DCC: variants seen among roughly 807,000 people sequenced by gnomAD.
DCC encodes the protein DCC netrin 1 receptor.
DCC carries 58 observed loss-of-function variants against 172.5 expected under a neutral mutation model. That is an observed-to-expected ratio of 0.34 (90% CI 0.27 to 0.42). The LOEUF is 0.42. Ranked by LOEUF, DCC falls within the 10% of genes least tolerant of loss-of-function variation. DCC has a pLI of 1.00. For synonymous variants in DCC, 709 were observed against 644.5 expected (o/e 1.10, Z -1.52); for missense variants, 1,740 against 1,791.0 (o/e 0.97, Z 0.51).
intron 1 of DCC, among the ~76,000 whole-genome samples, chr18:52,438,826 T>A: frequency 6.6e-6 from 1 of 152,174 alleles, no homozygotes; most frequent in Non-Finnish European, 1.5e-5. Context: ...AGTTGTGTTA[T>A]GCAATAAGAG....
intron 15 of DCC, among the ~76,000 whole-genome samples, chr18:53,367,903 G>A (rs1425739425): frequency 6.6e-6 from 1 of 151,954 alleles, no homozygotes; most frequent in Non-Finnish European, 1.5e-5. Context: ...ATTGTATATT[G>A]TACCTCATAC....
At chr18:53,116,278 A>G (rs971681735) in intron 7 of DCC, among the ~76,000 whole-genome samples, 1 of 151,768 alleles carries the variant, frequency 6.6e-6, no homozygotes, top group East Asian at 2.0e-4. Flanking sequence ...TAGGAGCTCA[A>G]AAAGCTCCGT....
intron 1 of DCC, among the ~76,000 whole-genome samples, chr18:52,409,524 G>T (rs77200433): frequency 0.015 from 2,291 of 152,220 alleles, 21 homozygotes; most frequent in Non-Finnish European, 0.025. Context: ...ATGCTTGAAA[G>T]CACACTGGAT....
At chr18:52,925,519 G>T (rs775018482) in intron 5 of DCC, 149 bp downstream of exon 5, 60 of 803,596 alleles carry the variant, frequency 7.5e-5, no homozygotes, top group Non-Finnish European at 1.2e-4. Flanking sequence ...GCTTTGCTCT[G>T]ATTAATTGCA....
chr18:52,387,571 GTTTCTTCC>G (rs1218496560), intron 1 of DCC, among the ~76,000 whole-genome samples: 1 of 93,108 alleles, frequency 1.1e-5, no homozygotes, highest in African/African-American at 4.5e-5. Context: ...GTTTTGTTTT[GTTTCTTCC>G]TTCCTTCCTT....
At chr18:52,448,270 C>T (rs1368567365) in intron 1 of DCC, among the ~76,000 whole-genome samples, 7 of 152,172 alleles carry the variant, frequency 4.6e-5, no homozygotes, top group Non-Finnish European at 1.0e-4. Flanking sequence ...ACAGTTTCAT[C>T]CCAAAACCAT....
intron 2 of DCC, among the ~76,000 whole-genome samples, chr18:52,782,489 G>A (rs994040451): frequency 1.3e-5 from 2 of 151,966 alleles, no homozygotes; most frequent in African/African-American, 2.4e-5. Context: ...GATTGCTTCT[G>A]ACTCTGCACA....
At chr18:52,641,292 A>G (rs1412872080) in intron 1 of DCC, among the ~76,000 whole-genome samples, 2 of 152,222 alleles carry the variant, frequency 1.3e-5, no homozygotes, top group Admixed American at 6.5e-5. Flanking sequence ...CCCCTTCTAG[A>G]CATTAGCTTA....
intron 1 of DCC, among the ~76,000 whole-genome samples, chr18:52,741,999 TAAG>T (rs1358066065): frequency 2.0e-5 from 3 of 152,194 alleles, no homozygotes; most frequent in South Asian, 2.1e-4. Flanking sequence ...ACCTTTCCTA[TAAG>T]AAGAAGAAGA....
chr18:53,334,284 A>T (rs1046157940), intron 14 of DCC, among the ~76,000 whole-genome samples: 1 of 152,178 alleles, frequency 6.6e-6, no homozygotes, highest in African/African-American at 2.4e-5. Flanking sequence ...AGTCAAGACC[A>T]TTTAAGATCT....
intron 2 of DCC, among the ~76,000 whole-genome samples, chr18:52,767,036 C>A (rs927509841): frequency 1.3e-5 from 2 of 151,706 alleles, no homozygotes; most frequent in Non-Finnish European, 2.9e-5. Context: ...GGACACATAT[C>A]CTGTGTCTTT....
chr18:52,509,813 G>A (rs1039319842), intron 1 of DCC, among the ~76,000 whole-genome samples: 3 of 152,120 alleles, frequency 2.0e-5, no homozygotes, highest in Non-Finnish European at 2.9e-5. Context: ...ATTAAGTCTA[G>A]TCAGCATGAG....
At chr18:52,950,818 G>T (rs1423975801) in intron 5 of DCC, among the ~76,000 whole-genome samples, 2 of 151,384 alleles carry the variant, frequency 1.3e-5, no homozygotes, top group Non-Finnish European at 2.9e-5. Flanking sequence ...CCAGCTACTC[G>T]GGAGGCTGTG....
At chr18:52,948,327 TG>T (rs2040581977) in intron 5 of DCC, among the ~76,000 whole-genome samples, 1 of 152,078 alleles carries the variant, frequency 6.6e-6, no homozygotes, top group Non-Finnish European at 1.5e-5. Context: ...TGTGTGTGTG[TG>T]TGTGTGTCTT....
chr18:52,858,179 C>T (rs186847965), intron 2 of DCC, among the ~76,000 whole-genome samples: 15 of 152,300 alleles, frequency 9.8e-5, no homozygotes, highest in Admixed American at 4.6e-4. Context: ...CTGAAGACTG[C>T]GCTGTAGGAA....
chr18:53,109,907 G>A (rs1243874553), intron 7 of DCC, among the ~76,000 whole-genome samples: 2 of 151,380 alleles, frequency 1.3e-5, no homozygotes, highest in Admixed American at 1.3e-4. Context: ...TTATTTCTAG[G>A]TAGGAATCTA....
At chr18:53,118,265 G>T (rs1022866675) in intron 7 of DCC, among the ~76,000 whole-genome samples, 1 of 151,674 alleles carries the variant, frequency 6.6e-6, no homozygotes, top group Non-Finnish European at 1.5e-5. Context: ...AAACCACTGT[G>T]TATAATTTTC....
At chr18:53,312,372 A>T (rs137954129) in intron 13 of DCC, among the ~76,000 whole-genome samples, 4,664 of 145,456 alleles carry the variant, frequency 0.032, 313 homozygotes, top group African/African-American at 0.11. Context: ...AAGAAAAAGA[A>T]AAAGATAAAG....
At chr18:53,183,622 T>C (rs569030079) in intron 9 of DCC, among the ~76,000 whole-genome samples, 5 of 152,198 alleles carry the variant, frequency 3.3e-5, no homozygotes, top group African/African-American at 9.6e-5. Context: ...CAAAACTCTT[T>C]TAGATTTAAG....
Sources: allele counts gnomAD v4.1 joint callset (sites outside exome capture counted in the v4.1 genomes callset), GRCh38; gene constraint gnomAD v4.1.1; transcripts MANE v1.5; gene names NCBI Gene and HGNC (gene_info 2026-07-23, HGNC 2026-07-21).